Variants in ERCC6L2 observed in about 807,000 individuals in gnomAD.
ERCC6L2 encodes the protein DNA excision repair protein ERCC-6-like 2.
In ERCC6L2, 77 loss-of-function variants were observed where a neutral mutation model predicts 132.0. The observed-to-expected ratio is 0.58, with a 90% CI of 0.49 to 0.71. ERCC6L2 has a LOEUF of 0.71. Ranked by LOEUF, ERCC6L2 falls within the 30% of genes least tolerant of loss-of-function variation. The pLI is 0.00. For missense variants in ERCC6L2, 1,542 were observed against 1,837.6 expected, an observed-to-expected ratio of 0.84 and a Z score of 2.94; for synonymous variants, 583 against 632.4, an observed-to-expected ratio of 0.92 and a Z score of 1.17.
At chr9:96,008,696 C>T (rs372373960) in intron 18 of ERCC6L2, among the ~76,000 whole-genome samples, 10 of 152,310 alleles carry the variant, frequency 6.6e-5, no homozygotes, top group African/African-American at 2.4e-4. Flanking sequence ...CTTATGAAGG[C>T]ACACCCAGTG....
chr9:95,956,055 ATC>A, intron 13 of ERCC6L2, 42 bp downstream of exon 13: 1 of 1,213,000 alleles, frequency 8.2e-7, no homozygotes. Flanking sequence ...GTCAACATTT[ATC>A]TGTTTTCAAA....
chr9:95,957,874 T>C (rs1831688846), intron 13 of ERCC6L2, among the ~76,000 whole-genome samples: 1 of 148,606 alleles, frequency 6.7e-6, no homozygotes, highest in African/African-American at 2.5e-5. Context: ...AATTATGTTT[T>C]TGTTTTTTTT....
intron 19 of ERCC6L2, among the ~76,000 whole-genome samples, chr9:96,026,498 C>T (rs1028113282): frequency 2.0e-5 from 3 of 152,084 alleles, no homozygotes; most frequent in African/African-American, 7.2e-5. Context: ...TGCCAACGCC[C>T]ACAGGCCAGG....
chr9:95,955,825 A>C (rs535892112), intron 12 of ERCC6L2, 89 bp from the exon 13 acceptor site: 1 of 606,112 alleles, frequency 1.6e-6, no homozygotes, highest in Non-Finnish European at 2.8e-6. Context: ...TAAAAATTTA[A>C]TGATTTTCCA....
chr9:95,997,587 T>C (rs1434587555), intron 17 of ERCC6L2, among the ~76,000 whole-genome samples: 6 of 152,240 alleles, frequency 3.9e-5, no homozygotes, highest in African/African-American at 1.4e-4. Context: ...TACAATATAG[T>C]GTAAGCATAA....
intron 3 of ERCC6L2, among the ~76,000 whole-genome samples, chr9:95,899,895 G>A (rs536393561): frequency 1.1e-4 from 17 of 152,226 alleles, no homozygotes; most frequent in South Asian, 1.0e-3. Context: ...CAAGGTCTGC[G>A]TACATGTTTA....
chr9:96,004,685 C>T lies in ERCC6L2; in HGVS notation c.3658C>T (p.Pro1220Ser). 1 of 1,343,142 alleles carries T rather than the reference C, an allele frequency of 7.4e-7. No homozygotes were observed. Among genetic ancestry groups the T allele is most frequent in the Non-Finnish European group, 9.9e-7 (1 of 1,008,694 alleles). The allele number at this position is 1,343,142 out of a possible 1,614,324, so 83.2% of individuals were successfully genotyped here. A position where few individuals can be genotyped will look rare whatever the true frequency, so the allele number is the denominator to read the frequency against. The change falls in exon 18 of 19, where the codon CCA becomes TCA. Residue 1220 changes from proline (P) to serine (S), a missense_variant. Coordinates refer to ENST00000653738, the MANE Select transcript of ERCC6L2 (RefSeq NM_020207.7). ...NQTTFIIGET[P>S]KGIRRKQFEE... ...GACCACCTTCATAATTGGAGAAACA[C>T]CAAAAGGAATCCGCAGGTATATTGT...
chr9:95,917,553 ATAT>A (rs1401513484), intron 6 of ERCC6L2, among the ~76,000 whole-genome samples: 2 of 152,214 alleles, frequency 1.3e-5, no homozygotes, highest in Non-Finnish European at 2.9e-5. Flanking sequence ...TCTAAAGCAA[ATAT>A]TGTTACTAAA....
chr9:95,880,548 G>A (rs776850223), intron 1 of ERCC6L2, among the ~76,000 whole-genome samples: 1 of 152,080 alleles, frequency 6.6e-6, no homozygotes, highest in African/African-American at 2.4e-5. Flanking sequence ...AAAACCAGAT[G>A]CCCGTGACCC....
intron 3 of ERCC6L2, among the ~76,000 whole-genome samples, chr9:95,901,954 A>G (rs1432702837): frequency 2.0e-5 from 3 of 152,192 alleles, no homozygotes; most frequent in African/African-American, 7.2e-5. Flanking sequence ...TGAAATGGAG[A>G]AGAAATCATT....
chr9:95,954,847 C>T (rs1831518851), intron 12 of ERCC6L2: 1 of 470,988 alleles, frequency 2.1e-6, no homozygotes, highest in Non-Finnish European at 4.4e-6. Context: ...ACAGGAGCCT[C>T]CATTTCCTGC....
At chr9:95,958,899 C>T (rs1216818730) in intron 13 of ERCC6L2, among the ~76,000 whole-genome samples, 1 of 151,822 alleles carries the variant, frequency 6.6e-6, no homozygotes, top group Non-Finnish European at 1.5e-5. Flanking sequence ...AATGGAAGAA[C>T]ATTCCATGCT....
chr9:95,949,482 A>G (rs1831226526), intron 12 of ERCC6L2, among the ~76,000 whole-genome samples: 1 of 152,222 alleles, frequency 6.6e-6, no homozygotes, highest in Non-Finnish European at 1.5e-5. Flanking sequence ...AGGAATTTCC[A>G]TTAAGATTAT....
chr9:96,001,205 G>C (rs941635882), intron 17 of ERCC6L2, among the ~76,000 whole-genome samples: 2 of 152,184 alleles, frequency 1.3e-5, no homozygotes, highest in African/African-American at 4.8e-5. Context: ...GCAGTAGCAA[G>C]ATTTATTGCA....
rs755142045 is a variant in ERCC6L2 at position 95,907,222 on chromosome 9, G to A, written c.739G>A (p.Ala247Thr). The change falls in exon 4 of 19, where the codon GCT (alanine) becomes ACT (threonine). Residue 247 changes from alanine (A) to threonine (T), a missense_variant. This residue lies in a region of ERCC6L2 where 945 missense variants were observed against 1,105.2 expected (regional missense o/e 0.86). Transcript: ENST00000653738. ...TGTAAAGCAGAGGAAATGTGAAATT[G>A]CTCTAACAACTTATGAAACACTACG... ...IRVKQRKCEI[A>T]LTTYETLRLC... The A allele has an allele frequency of 6.2e-7, 1 of 1,613,102 alleles. No individual in the cohort carries two copies. Among genetic ancestry groups the A allele is most frequent in the South Asian group, 1.1e-5 (1 of 90,904 alleles).
intron 6 of ERCC6L2, chr9:95,918,103 CTGG>C: frequency 3.0e-6 from 1 of 333,360 alleles, no homozygotes; most frequent in Non-Finnish European, 5.9e-6. Context: ...CTTCTTCAGT[CTGG>C]TTTGGGTCTT....
At chr9:95,902,993 T>A (rs1828854299) in intron 3 of ERCC6L2, among the ~76,000 whole-genome samples, 1 of 152,098 alleles carries the variant, frequency 6.6e-6, no homozygotes, top group African/African-American at 2.4e-5. Context: ...TGGTTACATG[T>A]ATTGGTCTGT....
rs776058405 is a variant in ERCC6L2 at position 95,921,294 on chromosome 9, A to C, written c.1278A>C (p.Lys426Asn). 6.8e-6 allele frequency: 11 copies of C among 1,612,170 alleles called. No homozygotes were observed. The East Asian group carries it at 2.5e-4, about 36-fold the overall frequency. Residue 426 changes from lysine (K) to asparagine (N), a missense_variant, in exon 7 of 19, where the codon AAA becomes AAC. By Grantham distance (94) the Lys-to-Asn change is moderately conservative (BLOSUM62 0). Around this residue, in one of 4 missense-constraint regions of ERCC6L2, gnomAD observed 945 missense variants for 1,105.2 expected, o/e 0.86. Coordinates refer to ENST00000653738, the MANE Select transcript of ERCC6L2 (RefSeq NM_020207.7). The stretch of plus-strand genomic sequence containing the variant: ...CTTGTACCTGTAGGAGTGGCCAAAA[A>C]AGGAGAAATTGTTGTTATAAGGCAA... ...SEPCTCRSGQ[K>N]RRNCCYKTNS...
At position 95,915,396 on chromosome 9, in the gene ERCC6L2, T is replaced by C. The variant is rs541361503; in HGVS notation, c.789-272T>C. 7.4e-4 allele frequency among the ~76,000 whole-genome samples: 112 copies of C among 152,346 alleles called. 2 individuals are homozygous for C. The highest frequency in any genetic ancestry group is 2.4e-3 in the Admixed American group (37 of 15,304). Reference sequence around the variant, plus strand: ...CTGGTTTGTTACTTTAAAAAATTCCTTTATTGTCATTTCAGTGATGTTTAA... The same window carrying C: ...CTGGTTTGTTACTTTAAAAAATTCCCTTATTGTCATTTCAGTGATGTTTAA... On this transcript the variant is annotated intron_variant, in intron 4 of 18. Coordinates refer to ENST00000653738, the MANE Select transcript of ERCC6L2 (RefSeq NM_020207.7).
Sources: gnomAD v4.1 joint callset for allele counts (sites outside exome capture counted in the v4.1 genomes callset) on GRCh38, gnomAD v4.1.1 for gene constraint, gnomAD v4.1.1 regional missense constraint, MANE v1.5 for transcripts, NCBI Gene and HGNC (gene_info 2026-07-23, HGNC 2026-07-21) for gene names.